DAAM1: variants seen among roughly 807,000 people sequenced by gnomAD.
DAAM1 encodes the protein dishevelled associated activator of morphogenesis 1.
DAAM1 carries 52 observed loss-of-function variants against 130.0 expected under a neutral mutation model. The observed-to-expected ratio is 0.40, with a 90% CI of 0.32 to 0.50. DAAM1 has a LOEUF of 0.50. Ranked by LOEUF, DAAM1 falls within the 20% of genes least tolerant of loss-of-function variation. The pLI, the probability that DAAM1 is intolerant of heterozygous loss-of-function variation, is 0.61. For synonymous variants in DAAM1, 452 were observed against 444.5 expected, an observed-to-expected ratio of 1.02 and a Z score of -0.21; for missense variants, 1,134 against 1,303.8, an observed-to-expected ratio of 0.87 and a Z score of 2.01.
At chr14:59,211,308 T>A (rs981814030) in intron 1 of DAAM1, among the ~76,000 whole-genome samples, 1 of 152,226 alleles carries the variant, frequency 6.6e-6, no homozygotes, top group Non-Finnish European at 1.5e-5. Context: ...TTTCTGGGAC[T>A]CTATTTTAAA....
At chr14:59,350,245 C>T (rs567173412) in intron 17 of DAAM1, among the ~76,000 whole-genome samples, 2 of 152,152 alleles carry the variant, frequency 1.3e-5, no homozygotes, top group African/African-American at 4.8e-5. Context: ...TCGCTCTGGC[C>T]CCATTCCTTT....
At chr14:59,265,576 T>C (rs1472619654) in intron 2 of DAAM1, 1 of 152,192 alleles carries the variant, frequency 6.6e-6, no homozygotes, top group African/African-American at 2.4e-5. Context: ...GGAAGGTGGT[T>C]AGGGAAGACT....
chr14:59,359,374 A>T, intron 20 of DAAM1, 23 bp from the exon 21 acceptor site: 3 of 1,522,610 alleles, frequency 2.0e-6, no homozygotes, highest in Non-Finnish European at 2.7e-6. Context: ...AATGTTTAAT[A>T]CTCTTCCCTT....
At chr14:59,232,085 C>T (rs1566659920) in intron 1 of DAAM1, among the ~76,000 whole-genome samples, 1 of 152,132 alleles carries the variant, frequency 6.6e-6, no homozygotes, top group Non-Finnish European at 1.5e-5. Flanking sequence ...GAAGTTGTGC[C>T]CTGGATTTCT....
At chr14:59,256,835 C>T (rs1302555753) in intron 1 of DAAM1, among the ~76,000 whole-genome samples, 3 of 152,160 alleles carry the variant, frequency 2.0e-5, no homozygotes, top group African/African-American at 7.2e-5. Flanking sequence ...GTCTGTGTCT[C>T]CAGTACCTAA....
At chr14:59,234,033 G>A (rs1013432716) in intron 1 of DAAM1, among the ~76,000 whole-genome samples, 1 of 152,140 alleles carries the variant, frequency 6.6e-6, no homozygotes, top group Non-Finnish European at 1.5e-5. Context: ...GGTTACTGTA[G>A]CCTTGAAATA....
At chr14:59,240,157 G>C (rs184034025) in intron 1 of DAAM1, among the ~76,000 whole-genome samples, 1 of 152,176 alleles carries the variant, frequency 6.6e-6, no homozygotes, top group African/African-American at 2.4e-5. Flanking sequence ...TGTGGCTAGA[G>C]GGGGGTATGG....
chr14:59,305,296 T>C (rs1884334146), intron 3 of DAAM1, among the ~76,000 whole-genome samples: 1 of 152,232 alleles, frequency 6.6e-6, no homozygotes, highest in Non-Finnish European at 1.5e-5. Context: ...AGTGCCTGCC[T>C]GCAGGGGAAT....
chr14:59,246,185 A>C (rs1881363229), intron 1 of DAAM1, among the ~76,000 whole-genome samples: 3 of 152,158 alleles, frequency 2.0e-5, no homozygotes, highest in Non-Finnish European at 4.4e-5. Flanking sequence ...GCAAAACTGA[A>C]ACTCCATACC....
At chr14:59,250,104 A>T (rs928959695) in intron 1 of DAAM1, among the ~76,000 whole-genome samples, 2 of 152,218 alleles carry the variant, frequency 1.3e-5, no homozygotes, top group African/African-American at 4.8e-5. Context: ...AAAAGAAAAA[A>T]TTAGTAGAAC....
In DAAM1 at chr14:59,348,915, C is replaced by T. The variant is rs188883056; in HGVS notation, c.2160+1292C>T. Reference sequence around the variant, plus strand: ...CCCTCACATTTGCCATGGAGAAACTCTTCATGCTGTCCTTTAAAGGTTTTA... The same window carrying T: ...CCCTCACATTTGCCATGGAGAAACTTTTCATGCTGTCCTTTAAAGGTTTTA... On this transcript the variant is annotated intron_variant, in intron 17 of 24. Transcript: ENST00000360909. Among the ~76,000 whole-genome samples, 727 of 152,262 alleles carry T rather than the reference C, an allele frequency of 4.8e-3. 6 individuals are homozygous for T. Among genetic ancestry groups the T allele is most frequent in the Non-Finnish European group, 3.6e-3 (246 of 68,026 alleles).
chr14:59,330,697 T>G lies in DAAM1; in HGVS notation c.1560+9T>G, dbSNP rs17096104. ...TCCATGAGCTCAGCAGGGTGAGGTC[T>G]TCCGCTCAGCTCACGGGCAGCTGCC... is the stretch of plus-strand genomic sequence containing the variant. On this transcript the variant is annotated intron_variant, in intron 13 of 24. Coordinates refer to ENST00000360909, the MANE Select transcript of DAAM1 (RefSeq NM_001270520.2). The G allele has an allele frequency of 1.2e-3, 1,890 of 1,599,220 alleles. 26 individuals are homozygous for G. The African/African-American group carries it at 0.023, about 19-fold the overall frequency.
chr14:59,225,546 A>G (rs1168436699), intron 1 of DAAM1, among the ~76,000 whole-genome samples: 1 of 152,124 alleles, frequency 6.6e-6, no homozygotes, highest in African/African-American at 2.4e-5. Flanking sequence ...CCTCTCCTCC[A>G]TCCTACTCCA....
chr14:59,195,182 C>T (rs1387309371), intron 1 of DAAM1, among the ~76,000 whole-genome samples: 10 of 141,226 alleles, frequency 7.1e-5, no homozygotes, highest in Non-Finnish European at 9.1e-5. Context: ...CTTGCTCTGT[C>T]GCCCAGGCTG....
chr14:59,281,543 G>A (rs1202722134), intron 2 of DAAM1, among the ~76,000 whole-genome samples: 2 of 151,990 alleles, frequency 1.3e-5, no homozygotes, highest in Non-Finnish European at 2.9e-5. Flanking sequence ...AGGAGGAGGA[G>A]GAGGAGGAGG....
At chr14:59,218,535 A>G (rs1888663561) in intron 1 of DAAM1, among the ~76,000 whole-genome samples, 1 of 152,250 alleles carries the variant, frequency 6.6e-6, no homozygotes, top group Non-Finnish European at 1.5e-5. Context: ...TGCAAGTTAA[A>G]TAATCTGAAA....
At chr14:59,340,652 C>A (rs1276276630) in intron 16 of DAAM1, among the ~76,000 whole-genome samples, 1 of 152,130 alleles carries the variant, frequency 6.6e-6, no homozygotes, top group Non-Finnish European at 1.5e-5. Flanking sequence ...ATATGTAAAT[C>A]TCAAACCTCC....
At chr14:59,351,921 T>C (rs1394679665) in intron 17 of DAAM1, among the ~76,000 whole-genome samples, 1 of 152,176 alleles carries the variant, frequency 6.6e-6, no homozygotes, top group East Asian at 1.9e-4. Context: ...TGCTCATTTC[T>C]TCCTTCAAAA....
At chr14:59,285,600 C>CA (rs371362751) in intron 2 of DAAM1, among the ~76,000 whole-genome samples, 59 of 151,856 alleles carry the variant, frequency 3.9e-4, no homozygotes, top group African/African-American at 1.3e-3. Flanking sequence ...AAGTGGAAAA[C>CA]AAAAAAGAAC....
Sources: allele counts gnomAD v4.1 joint callset (sites outside exome capture counted in the v4.1 genomes callset), GRCh38; gene constraint gnomAD v4.1.1; transcripts MANE v1.5; gene names NCBI Gene and HGNC (gene_info 2026-07-23, HGNC 2026-07-21).